DCDC2C: variants seen among roughly 807,000 people sequenced by gnomAD.
DCDC2C encodes the protein doublecortin domain-containing protein 2C.
A neutral mutation model predicts 45.0 loss-of-function variants in DCDC2C; 44 were observed. The observed-to-expected ratio is 0.98, with a 90% confidence interval of 0.77 to 1.26. The LOEUF (loss-of-function observed/expected upper bound fraction) is 1.26, where lower values mean the gene tolerates loss of function less well. Ranked by LOEUF, DCDC2C falls within the 50% of genes most tolerant of loss-of-function variation. The pLI, the probability that DCDC2C is intolerant of heterozygous loss-of-function variation, is 0.00. For synonymous variants in DCDC2C, 187 were observed against 178.8 expected, an observed-to-expected ratio of 1.05 and a Z score of -0.37; for missense variants, 447 against 468.9, an observed-to-expected ratio of 0.95 and a Z score of 0.43.
chr2:3,801,443 G>A (rs1671110459), intron 10 of DCDC2C, among the ~76,000 whole-genome samples: 1 of 152,196 alleles, frequency 6.6e-6, no homozygotes, highest in South Asian at 2.1e-4. Flanking sequence ...ATTAGCTGTT[G>A]TCATTGTTTG....
intron 10 of DCDC2C, among the ~76,000 whole-genome samples, chr2:3,836,438 T>C (rs1018091460): frequency 1.3e-5 from 2 of 152,184 alleles, no homozygotes; most frequent in African/African-American, 4.8e-5. Flanking sequence ...CACACGTTAG[T>C]TCGGGGGAAA....
At chr2:3,778,672 C>A (rs1670421876) in intron 8 of DCDC2C, 144 bp from the exon 9 acceptor site, 5 of 687,812 alleles carry the variant, frequency 7.3e-6, no homozygotes, top group African/African-American at 1.8e-5. Context: ...TGGATGCCAT[C>A]CTGCATCTGG....
At chr2:3,799,642 C>G (rs534882629) in intron 10 of DCDC2C, among the ~76,000 whole-genome samples, 70 of 152,268 alleles carry the variant, frequency 4.6e-4, no homozygotes, top group African/African-American at 1.3e-3. Flanking sequence ...AGGTGTCAGT[C>G]TGCCCCTGCT....
intron 10 of DCDC2C, among the ~76,000 whole-genome samples, chr2:3,813,065 ATATTT>A (rs1358136385): frequency 6.9e-5 from 2 of 28,818 alleles, no homozygotes; most frequent in Admixed American, 7.4e-4. Flanking sequence ...ATATATATAT[ATATTT>A]TTTTTTTTTT....
intron 6 of DCDC2C, among the ~76,000 whole-genome samples, chr2:3,755,357 A>C (rs1034651390): frequency 6.6e-6 from 1 of 152,044 alleles, no homozygotes; most frequent in African/African-American, 2.4e-5. Context: ...ATATGTGTGT[A>C]TGCATGTGTG....
At chr2:3,840,961 T>C (rs759499335) in intron 10 of DCDC2C, among the ~76,000 whole-genome samples, 8 of 152,210 alleles carry the variant, frequency 5.3e-5, no homozygotes, top group Non-Finnish European at 7.3e-5. Context: ...TGACTATGCA[T>C]GGAGCCTTCT....
intron 3 of DCDC2C, among the ~76,000 whole-genome samples, 190 bp downstream of exon 3, chr2:3,727,269 T>C (rs1265925885): frequency 1.3e-5 from 2 of 151,960 alleles, no homozygotes; most frequent in African/African-American, 4.8e-5. Flanking sequence ...CTGATTCAGC[T>C]GTTCATGTGC....
At chr2:3,757,619 T>C (rs938881017) in intron 6 of DCDC2C, among the ~76,000 whole-genome samples, 2 of 152,132 alleles carry the variant, frequency 1.3e-5, no homozygotes, top group African/African-American at 4.8e-5. Flanking sequence ...TGGTGAGGTG[T>C]TGGCAGCATG....
intron 10 of DCDC2C, among the ~76,000 whole-genome samples, chr2:3,788,909 C>T (rs1003092859): frequency 5.4e-5 from 8 of 149,324 alleles, no homozygotes; most frequent in African/African-American, 1.7e-4. Flanking sequence ...GGGTCTCCCT[C>T]TGTCACCTGC....
intron 10 of DCDC2C, among the ~76,000 whole-genome samples, chr2:3,808,947 T>A (rs1033739185): frequency 4.6e-5 from 7 of 151,798 alleles, no homozygotes; most frequent in African/African-American, 9.7e-5. Context: ...GGAATGAGGA[T>A]TTTTTTTTAA....
intron 3 of DCDC2C, among the ~76,000 whole-genome samples, chr2:3,735,953 T>G (rs1371279305): frequency 1.1e-4 from 16 of 152,218 alleles, no homozygotes; most frequent in Admixed American, 1.0e-3. Flanking sequence ...TGGTTTTAAA[T>G]GATTTTTTGC....
At chr2:3,722,761 G>A (rs988358112) in intron 2 of DCDC2C, among the ~76,000 whole-genome samples, 1 of 152,188 alleles carries the variant, frequency 6.6e-6, no homozygotes, top group African/African-American at 2.4e-5. Context: ...TATTTAATTA[G>A]GCAGGTGATA....
chr2:3,780,569 G>T (rs60207886), intron 9 of DCDC2C, among the ~76,000 whole-genome samples: 2,656 of 152,228 alleles, frequency 0.017, 78 homozygotes, highest in African/African-American at 0.061. Context: ...CCGGGCCAAG[G>T]ATCTAAAAGG....
chr2:3,753,992 G>C (rs1669615179), intron 5 of DCDC2C, among the ~76,000 whole-genome samples: 1 of 152,204 alleles, frequency 6.6e-6, no homozygotes, highest in South Asian at 2.1e-4. Context: ...CTGTGGGGCT[G>C]TGGAGTTGAG....
At position 3,714,762 on chromosome 2, in the gene DCDC2C, G is replaced by A. The variant is rs531111113; in HGVS notation, c.339+6162G>A. Among the ~76,000 whole-genome samples, 7 of 152,248 alleles carry A rather than the reference G, an allele frequency of 4.6e-5. 1 individual carries two copies. In the South Asian group the frequency reaches 1.4e-3, roughly 32 times the overall value. The stretch of plus-strand genomic sequence containing the variant: ...AGCCTGGAGAATAAAATTTAACTTT[G>A]TCCAGGTGACTCAAGCTTAGGCTGC... On this transcript the variant is annotated intron_variant, in intron 2 of 10. Coordinates refer to ENST00000399143, the MANE Select transcript of DCDC2C (RefSeq NM_001287444.2).
chr2:3,706,766 G>C (rs1668074242), intron 1 of DCDC2C, among the ~76,000 whole-genome samples: 1 of 152,230 alleles, frequency 6.6e-6, no homozygotes, highest in African/African-American at 2.4e-5. Context: ...ACAGGAGAAA[G>C]AGGAAAAGTG....
intron 10 of DCDC2C, among the ~76,000 whole-genome samples, chr2:3,825,677 A>T (rs565844997): frequency 2.2e-4 from 33 of 152,234 alleles, no homozygotes; most frequent in Non-Finnish European, 3.7e-4. Flanking sequence ...ACAACCTGGG[A>T]TGGAGGCTGA....
chr2:3,796,240 G>T (rs1670948172), intron 10 of DCDC2C, among the ~76,000 whole-genome samples: 1 of 105,876 alleles, frequency 9.4e-6, no homozygotes, highest in South Asian at 3.0e-4. Flanking sequence ...CTTTGCTGAA[G>T]TTGCTTATCA....
chr2:3,785,036 C>CTA, intron 9 of DCDC2C, 23 bp from the exon 10 acceptor site: 1 of 1,229,900 alleles, frequency 8.1e-7, no homozygotes, highest in Non-Finnish European at 1.0e-6. Flanking sequence ...TAGTTGATTC[C>CTA]TATATTTGTT....
Sources: gnomAD v4.1 joint callset for allele counts (sites outside exome capture counted in the v4.1 genomes callset) on GRCh38, gnomAD v4.1.1 for gene constraint, MANE v1.5 for transcripts, NCBI Gene and HGNC (gene_info 2026-07-23, HGNC 2026-07-21) for gene names.